PFKFB3: variants seen among roughly 807,000 people sequenced by gnomAD.
The protein encoded by PFKFB3 is 6-phosphofructo-2-kinase/fructose-2,6-biphosphatase 3.
PFKFB3 carries 33 observed loss-of-function variants against 68.0 expected under a neutral mutation model. The ratio of observed to expected loss-of-function variants is 0.49; its 90% CI spans 0.37 to 0.65. The LOEUF is 0.65. PFKFB3 is among the 30% of genes least tolerant of loss of function. The pLI is 0.00. For missense variants in PFKFB3, 586 were observed against 712.2 expected (o/e 0.82, Z 2.02); for synonymous variants, 315 against 288.2 (o/e 1.09, Z -0.94).
chr10:6,211,996 C>A (rs1022474723), intron 1 of PFKFB3, among the ~76,000 whole-genome samples: 11 of 152,236 alleles, frequency 7.2e-5, no homozygotes. Context: ...TGAGCTGCGG[C>A]CCGTCTGAGG....
exon 15 of PFKFB3, chr10:6,254,530 A>G (rs1278087459): frequency 5.1e-6 from 2 of 396,030 alleles, no homozygotes; most frequent in Non-Finnish European, 8.9e-6. Context: ...TCCACTTTAC[A>G]ATGATGCAAG....
At chr10:6,291,086 A>G in the PFKFB3 span, among the ~76,000 whole-genome samples, 1 of 151,878 alleles carries the variant, frequency 6.6e-6, no homozygotes, top group Admixed American at 6.5e-5. Flanking sequence ...CAAAAACAAG[A>G]AAATAATCAG....
intron 14 of PFKFB3, among the ~76,000 whole-genome samples, chr10:6,241,283 T>G (rs1219755704): frequency 6.6e-6 from 1 of 152,130 alleles, no homozygotes; most frequent in Non-Finnish European, 1.5e-5. Flanking sequence ...TTGGGAAGAA[T>G]CCCACCGAGG....
intron 1 of PFKFB3, among the ~76,000 whole-genome samples, chr10:6,212,364 T>C (rs1454665570): frequency 6.6e-6 from 1 of 152,206 alleles, no homozygotes; most frequent in Non-Finnish European, 1.5e-5. Context: ...CCCTTCCTGC[T>C]GTTTTGTCTT....
At position 6,215,074 on chromosome 10, in the gene PFKFB3, T is replaced by C; in HGVS notation, c.203-147T>C. On this transcript the variant is annotated intron_variant, in intron 2 of 14. Transcript: ENST00000379775. The surrounding 1 kb of genome is among the most constrained non-coding windows in gnomAD (Gnocchi z 4.3). ...TCAGGAGTTGAGGGTAGCGTAGGAC[T>C]GGGCGCCGGCATTGCTTCCACACCA... is the stretch of plus-strand genomic sequence containing the variant. 1 of 659,354 alleles carries C rather than the reference T, an allele frequency of 1.5e-6. No individual in the cohort carries two copies. Among genetic ancestry groups the C allele is most frequent in the Non-Finnish European group, 2.7e-6 (1 of 370,376 alleles). The allele number at this position is 659,354 out of a possible 1,614,324, so 40.8% of individuals were successfully genotyped here. A position where few individuals can be genotyped will look rare whatever the true frequency, so the allele number is the denominator to read the frequency against.
At chr10:6,284,442 T>C in the PFKFB3 span, among the ~76,000 whole-genome samples, 1 of 152,228 alleles carries the variant, frequency 6.6e-6, no homozygotes, top group African/African-American at 2.4e-5. Flanking sequence ...CCCCTCTTTA[T>C]TCCTGATAAT....
the PFKFB3 span, among the ~76,000 whole-genome samples, chr10:6,267,828 GC>G: frequency 2.0e-5 from 3 of 151,540 alleles, no homozygotes. Flanking sequence ...GGTGGCGGGC[GC>G]CTGTAGTCCC....
intron 1 of PFKFB3, among the ~76,000 whole-genome samples, chr10:6,207,101 A>T (rs796571392): frequency 1.3e-5 from 2 of 151,124 alleles, no homozygotes; most frequent in African/African-American, 4.9e-5. Flanking sequence ...GGGAGGTGGA[A>T]GTTGTAGCGA....
intron 1 of PFKFB3, among the ~76,000 whole-genome samples, chr10:6,197,276 C>T (rs569162242): frequency 3.3e-5 from 5 of 152,292 alleles, no homozygotes; most frequent in African/African-American, 9.6e-5. Flanking sequence ...AGCACCTGGC[C>T]TTACAGTACA....
chr10:6,177,075 G>A (rs1374409529), intron 1 of PFKFB3, among the ~76,000 whole-genome samples: 2 of 152,168 alleles, frequency 1.3e-5, no homozygotes, highest in Non-Finnish European at 2.9e-5. Flanking sequence ...CTCAGATCCT[G>A]TGGCTTCAAG....
chr10:6,220,827 A>G lies in PFKFB3; in HGVS notation c.793A>G (p.Ile265Val), dbSNP rs1488207456. 38 of 1,613,094 alleles carry G rather than the reference A, an allele frequency of 2.4e-5. No individual in the cohort carries two copies. The highest frequency in any genetic ancestry group is 3.1e-5 in the Non-Finnish European group (37 of 1,179,998). ...GENEHNLQGRIGGDSGLSSRG... is the reference protein window; with the variant it reads ...GENEHNLQGRVGGDSGLSSRG... The stretch of plus-strand genomic sequence containing the variant: ...GAACGAGCACAACCTCCAGGGCCGC[A>G]TCGGGGGCGACTCAGGCCTGTCCAG... Residue 265 changes from isoleucine (I) to valine (V), a missense_variant, in exon 8 of 15, where the codon ATC becomes GTC. By Grantham distance (29) the Ile-to-Val change is conservative (BLOSUM62 3). Transcript: ENST00000379775. The surrounding 1 kb of genome is among the most constrained non-coding windows in gnomAD (Gnocchi z 4.1).
chr10:6,288,111 C>T, the PFKFB3 span, among the ~76,000 whole-genome samples: 2 of 151,664 alleles, frequency 1.3e-5, no homozygotes, highest in African/African-American at 4.8e-5. Context: ...TGCTTGCATT[C>T]GTTTCAAAAA....
chr10:6,172,447 C>T (rs909448067), intron 1 of PFKFB3, among the ~76,000 whole-genome samples: 6 of 152,312 alleles, frequency 3.9e-5, no homozygotes, highest in Middle Eastern at 3.4e-3. Flanking sequence ...TGTGAGCAAA[C>T]GTTCAGAAAG....
chr10:6,254,706 C>T (rs1588573182), downstream of PFKFB3: 2 of 187,982 alleles, frequency 1.1e-5, no homozygotes, highest in East Asian at 2.5e-4. Flanking sequence ...TGTAAGTGTG[C>T]TCAGTGTGTT....
the PFKFB3 span, among the ~76,000 whole-genome samples, chr10:6,313,228 A>T: frequency 6.6e-6 from 1 of 152,202 alleles, no homozygotes; most frequent in Non-Finnish European, 1.5e-5. The surrounding 1 kb of genome is among the most constrained non-coding windows in gnomAD (Gnocchi z 4.2). Flanking sequence ...CTTTGATTTT[A>T]TTGCCATTTA....
intron 1 of PFKFB3, among the ~76,000 whole-genome samples, chr10:6,183,276 C>T (rs768569297): frequency 2.6e-5 from 4 of 152,242 alleles, no homozygotes; most frequent in Non-Finnish European, 4.4e-5. Context: ...CCCAGCACCA[C>T]GCCAACTTTG....
chr10:6,176,470 C>T (rs1842476341), intron 1 of PFKFB3, among the ~76,000 whole-genome samples: 1 of 152,098 alleles, frequency 6.6e-6, no homozygotes, highest in African/African-American at 2.4e-5. Flanking sequence ...TACAGTGGGC[C>T]CATCATCGCT....
exon 1 of PFKFB3, chr10:6,144,977 G>A (rs1352265847): frequency 4.6e-6 from 6 of 1,296,850 alleles, no homozygotes; most frequent in Non-Finnish European, 4.9e-6. Context: ...GGCCGGCCCC[G>A]CGGGGAGCGC....
the PFKFB3 span, chr10:6,294,111 G>A: frequency 2.0e-6 from 1 of 495,654 alleles, no homozygotes; most frequent in Non-Finnish European, 4.1e-6. Context: ...AGAAACCATG[G>A]TCATATTTGC....
Sources: allele counts gnomAD v4.1 joint callset (sites outside exome capture counted in the v4.1 genomes callset), GRCh38; gene constraint gnomAD v4.1.1; non-coding constraint Gnocchi (gnomAD v3.1); transcripts MANE v1.5; gene names NCBI Gene and HGNC (gene_info 2026-07-23, HGNC 2026-07-21).